The following TMPO variants were observed in gnomAD, a reference collection of about 807,000 sequenced individuals.
TMPO encodes the protein LEM domain containing 4.
TMPO carries 22 observed loss-of-function variants against 45.4 expected under a neutral mutation model. The ratio of observed to expected loss-of-function variants is 0.48; its 90% CI spans 0.35 to 0.69. TMPO has a LOEUF of 0.69. Among genes scored for constraint, TMPO ranks in the 30% least tolerant of loss-of-function variants. The pLI, the probability that TMPO is intolerant of heterozygous loss-of-function variation, is 0.01. For synonymous variants in TMPO, 241 were observed against 204.1 expected, an observed-to-expected ratio of 1.18 and a Z score of -1.54; for missense variants, 512 against 548.8, an observed-to-expected ratio of 0.93 and a Z score of 0.67.
intron 7 of TMPO, 60 bp downstream of exon 7, chr12:98,545,121 A>ATTTTTTTT: frequency 1.2e-6 from 1 of 830,718 alleles, no homozygotes; most frequent in Non-Finnish European, 1.8e-6. Context: ...AAATATAAAT[A>ATTTTTTTT]TTTGTTTGTT....
intron 3 of TMPO, chr12:98,533,897 C>T (rs1160266276): frequency 3.1e-6 from 5 of 1,614,040 alleles, no homozygotes; most frequent in Non-Finnish European, 3.4e-6. Context: ...ATTTCTGAAG[C>T]CACTCCACTA....
At chr12:98,519,541 TG>T (rs386765648) in intron 1 of TMPO, among the ~76,000 whole-genome samples, 3 of 152,256 alleles carry the variant, frequency 2.0e-5, no homozygotes, top group African/African-American at 7.2e-5. Flanking sequence ...TCTATTGGCA[TG>T]GTAATTAAGC....
At chr12:98,521,324 G>T (rs1876349189) in intron 1 of TMPO, among the ~76,000 whole-genome samples, 1 of 151,770 alleles carries the variant, frequency 6.6e-6, no homozygotes, top group African/African-American at 2.4e-5. Flanking sequence ...GTGTTAGCCA[G>T]GATGGTCTGG....
chr12:98,534,305 T>A lies in TMPO; in HGVS notation c.565+2467T>A, dbSNP rs767216575. On this transcript the variant is annotated intron_variant, in intron 3 of 8. Coordinates refer to ENST00000556029, the MANE Select transcript of TMPO (RefSeq NM_001032283.3). ...GGTGGAACATTATTTGGAGGAGAAG[T>A]ATGCAAAGTAATTAAAAAGCGTGGA... The A allele has an allele frequency of 3.3e-5, 53 of 1,612,928 alleles. No individual in the cohort carries two copies. The highest frequency in any genetic ancestry group is 4.3e-5 in the Non-Finnish European group (51 of 1,179,842).
chr12:98,523,864 TG>T (rs1261298034), intron 1 of TMPO, among the ~76,000 whole-genome samples: 1 of 152,012 alleles, frequency 6.6e-6, no homozygotes, highest in Non-Finnish European at 1.5e-5. Context: ...TTAGTAGAGA[TG>T]GGGTTTCACC....
chr12:98,533,546 C>G (rs1355976101), intron 3 of TMPO: 1 of 1,614,150 alleles, frequency 6.2e-7, no homozygotes. Flanking sequence ...AGAAAAGTCC[C>G]TAGACTGAGT....
rs1317389796 is a variant in TMPO, at chr12:98,516,591, GCAACTGATGACACTCTAATTTCTAAC to G, written c.279+449_279+474del. ...AGAGTCTCAGAGCGCTCCCTGGAGG[GCAACTGATGACACTCTAATTTCTAAC>G]CAAAATTTGAAATGAGGAAATTCCC... is the stretch of plus-strand genomic sequence containing the variant. On this transcript the variant is annotated intron_variant, in intron 1 of 8. Coordinates refer to ENST00000556029, the MANE Select transcript of TMPO (RefSeq NM_001032283.3). 17 of 973,864 alleles carry G rather than the reference GCAACTGATGACACTCTAATTTCTAAC, an allele frequency of 1.7e-5. No homozygotes were observed. The African/African-American group carries it at 2.6e-4, about 15-fold the overall frequency. 60.3% of individuals were successfully genotyped at this position (973,864 alleles called of 1,614,324 possible).
chr12:98,517,604 A>G (rs11109510), intron 1 of TMPO, among the ~76,000 whole-genome samples: 33,186 of 152,198 alleles, frequency 0.22, 4,684 homozygotes, highest in Non-Finnish European at 0.31. Flanking sequence ...GACACATGTA[A>G]ATTTAATTGA....
At position 98,533,186 on chromosome 12, in the gene TMPO, C is replaced by T. The variant is rs892009882; in HGVS notation, c.565+1348C>T. 1 of 1,614,120 alleles carries T rather than the reference C, an allele frequency of 6.2e-7. No homozygotes were observed. Among genetic ancestry groups the T allele is most frequent in the Non-Finnish European group, 8.5e-7 (1 of 1,180,042 alleles). ...GCCATGTTGGTCTCTACTGCAGCTT[C>T]TCCTTCACTGATTAAAGAAACCACC... is the stretch of plus-strand genomic sequence containing the variant. On this transcript the variant is annotated intron_variant, in intron 3 of 8. Coordinates refer to ENST00000556029, the MANE Select transcript of TMPO (RefSeq NM_001032283.3).
chr12:98,516,149 A>G lies in TMPO; in HGVS notation c.279+3A>G. ...GGAGCCGAGCAGCCGTCGGCAGGGTAAGGACGCGGGGCCGGGGCTACAAAG... is the reference window on the plus strand; with the variant it reads ...GGAGCCGAGCAGCCGTCGGCAGGGTGAGGACGCGGGGCCGGGGCTACAAAG... On this transcript the variant is annotated splice_donor_region_variant and intron_variant, in intron 1 of 8. Coordinates refer to ENST00000556029, the MANE Select transcript of TMPO (RefSeq NM_001032283.3). The G allele has an allele frequency of 7.1e-7, 1 of 1,415,020 alleles. No individual in the cohort carries two copies. Among genetic ancestry groups the G allele is most frequent in the Non-Finnish European group, 9.2e-7 (1 of 1,092,156 alleles). The allele number at this position is 1,415,020 out of a possible 1,614,324, so 87.7% of individuals were successfully genotyped here.
intron 1 of TMPO, among the ~76,000 whole-genome samples, chr12:98,519,107 C>T (rs993898285): frequency 2.0e-5 from 3 of 152,122 alleles, no homozygotes; most frequent in Non-Finnish European, 4.4e-5. Flanking sequence ...TGGCCTCGAT[C>T]TCCTGACCTC....
At chr12:98,529,029 T>C (rs1876992059) in intron 2 of TMPO, among the ~76,000 whole-genome samples, 1 of 151,590 alleles carries the variant, frequency 6.6e-6, no homozygotes, top group Non-Finnish European at 1.5e-5. Context: ...TTAATGAAGT[T>C]ATTAAATTCC....
intron 1 of TMPO, among the ~76,000 whole-genome samples, chr12:98,520,776 G>A (rs1422406216): frequency 1.3e-5 from 2 of 151,754 alleles, no homozygotes; most frequent in Non-Finnish European, 2.9e-5. Context: ...AGTAAAGACT[G>A]TTAGCCAGGA....
chr12:98,546,601 A>G (rs530571381), intron 8 of TMPO, among the ~76,000 whole-genome samples, 154 bp downstream of exon 8: 2 of 152,308 alleles, frequency 1.3e-5, no homozygotes, highest in South Asian at 4.1e-4. Context: ...CAGCTACTCA[A>G]GAGACTAAGG....
At chr12:98,538,899 T>C (rs190250852) in intron 4 of TMPO, among the ~76,000 whole-genome samples, 1 of 152,242 alleles carries the variant, frequency 6.6e-6, no homozygotes, top group Admixed American at 6.5e-5. Context: ...TTCAGGAGCA[T>C]GCTGAAGAAT....
intron 1 of TMPO, chr12:98,516,471 C>T (rs973946031): frequency 3.6e-6 from 4 of 1,125,152 alleles, no homozygotes; most frequent in Non-Finnish European, 4.3e-6. Flanking sequence ...ACGGGGACTT[C>T]CGTGCCCTTT....
At chr12:98,542,146 G>A (rs567276298) in intron 4 of TMPO, among the ~76,000 whole-genome samples, 1 of 152,106 alleles carries the variant, frequency 6.6e-6, no homozygotes, top group Non-Finnish European at 1.5e-5. Context: ...AGTTTATCTT[G>A]GGGAAGCGTA....
intron 4 of TMPO, among the ~76,000 whole-genome samples, chr12:98,538,009 C>G (rs1877677422): frequency 6.6e-6 from 1 of 152,158 alleles, no homozygotes; most frequent in South Asian, 2.1e-4. Flanking sequence ...TAGTCTGGTC[C>G]TAAGACTACA....
At chr12:98,543,756 C>T (rs1385331517) in intron 4 of TMPO, among the ~76,000 whole-genome samples, 1 of 152,122 alleles carries the variant, frequency 6.6e-6, no homozygotes, top group Admixed American at 6.5e-5. Context: ...TAAACTGATT[C>T]TACTAAAATG....
Sources: allele counts gnomAD v4.1 joint callset (sites outside exome capture counted in the v4.1 genomes callset), GRCh38; gene constraint gnomAD v4.1.1; transcripts MANE v1.5; gene names NCBI Gene and HGNC (gene_info 2026-07-23, HGNC 2026-07-21).